The following IK variants were observed in gnomAD, a reference collection of about 807,000 sequenced individuals.
IK encodes IK cytokine, also known as protein Red.
A neutral mutation model predicts 90.9 loss-of-function variants in IK; 47 were observed. The ratio of observed to expected loss-of-function variants is 0.52; its 90% CI spans 0.41 to 0.66. The LOEUF (loss-of-function observed/expected upper bound fraction) is 0.66. Among genes scored for constraint, IK ranks in the 30% least tolerant of loss-of-function variants. The pLI, the probability that IK is intolerant of heterozygous loss-of-function variation, is 0.00. For missense variants in IK, 385 were observed against 709.3 expected (o/e 0.54, Z 5.19); for synonymous variants, 201 against 227.5 (o/e 0.88, Z 1.05).
chr5:140,654,850 CAG>C, intron 8 of IK, 123 bp downstream of exon 8: 2 of 721,880 alleles, frequency 2.8e-6, no homozygotes, highest in Non-Finnish European at 4.6e-6. Flanking sequence ...CTTTTTGAGA[CAG>C]TGTCTCACTT....
At chr5:140,660,001 T>G in intron 14 of IK, 114 bp from the exon 15 acceptor site, 1 of 996,418 alleles carries the variant, frequency 1.0e-6, no homozygotes, top group Non-Finnish European at 1.6e-6. Context: ...CCATAACAGC[T>G]CACAGCCCAC....
Position 140,661,487 on chromosome 5 carries a change from ATTAC to A in IK, c.1414-129_1414-126del. 1 of 637,042 alleles carries A rather than the reference ATTAC, an allele frequency of 1.6e-6. No individual in the cohort carries two copies. Among genetic ancestry groups the A allele is most frequent in the Non-Finnish European group, 2.8e-6 (1 of 353,166 alleles). The allele number at this position is 637,042 out of a possible 1,614,324, so 39.5% of individuals were successfully genotyped here. On this transcript the variant is annotated intron_variant, in intron 16 of 19. Transcript: ENST00000417647. This position sits in a 1 kb window ranked among gnomAD's most constrained non-coding sequence, Gnocchi z 4.2. ...AGTAAGTATGTAATAAGCATTTATT[ATTAC>A]TTATCAGGGTATGATTTATGAATTG...
chr5:140,659,692 G>A, intron 13 of IK, 64 bp from the exon 14 acceptor site: 3 of 1,034,972 alleles, frequency 2.9e-6, no homozygotes, highest in Non-Finnish European at 4.4e-6. Context: ...TTTTAAGTGT[G>A]TTGTGGGGAG....
intron 2 of IK, among the ~76,000 whole-genome samples, 158 bp from the exon 3 acceptor site, chr5:140,651,556 T>C (rs1428699652): frequency 6.6e-6 from 1 of 150,746 alleles, no homozygotes; most frequent in Non-Finnish European, 1.5e-5. Context: ...CCAATATGGG[T>C]GACAGTGAGA....
At chr5:140,654,460 G>A (rs1757671912) in intron 6 of IK, 56 bp from the exon 7 acceptor site, 1 of 1,322,478 alleles carries the variant, frequency 7.6e-7, no homozygotes. Flanking sequence ...GTGGTGTAGT[G>A]GATGTTCAAT....
intron 2 of IK, 61 bp from the exon 3 acceptor site, chr5:140,651,653 C>A: frequency 2.5e-6 from 2 of 811,802 alleles, no homozygotes; most frequent in Non-Finnish European, 4.2e-6. Context: ...ATGATTTTTA[C>A]TTGTTCCTTT....
Position 140,654,530 on chromosome 5 carries a change from T to A in IK, c.534T>A (p.Ile178=), listed in dbSNP as rs769348315. ...TTTCCTGTTAGGTACGAGCTGAGAT[T>A]GCCAGCAAAGAGAAAGAGGAAGAGG... ...FALLQKVRAE[I]ASKEKEEEEL... The change falls in exon 7 of 20, where the codon ATT becomes ATA. Residue 178 remains isoleucine, a synonymous_variant. Transcript: ENST00000417647. The A allele has an allele frequency of 2.0e-5, 31 of 1,589,086 alleles. No individual in the cohort carries two copies. Among genetic ancestry groups the A allele is most frequent in the Non-Finnish European group, 2.7e-5 (31 of 1,167,156 alleles).
chr5:140,654,687 T>A lies in IK; in HGVS notation c.597T>A (p.Asp199Glu). The A allele has an allele frequency of 1.2e-6, 2 of 1,602,002 alleles. No homozygotes were observed. Among genetic ancestry groups the A allele is most frequent in the Non-Finnish European group, 1.7e-6 (2 of 1,171,434 alleles). Residue 199 changes from aspartate to glutamate, a missense_variant, in exon 8 of 20, where the codon GAT becomes GAA. By Grantham distance (45) the Asp-to-Glu change is conservative (BLOSUM62 2). This residue lies in a region of IK where 46 missense variants were observed against 50.0 expected (regional missense o/e 0.92). Transcript: ENST00000417647. The part of the protein sequence containing the change: ...MEKPQKETKK[D>E]EDPENKIEFK... ...AACTTTTTTGTCTTTTCAGGAAAGATGAGGATCCTGAAAATAAAATTGAAT... is the reference window on the plus strand; with the variant it reads ...AACTTTTTTGTCTTTTCAGGAAAGAAGAGGATCCTGAAAATAAAATTGAAT...
At position 140,654,664 on chromosome 5, in the gene IK, CT is replaced by C. The variant is rs1371411060; in HGVS notation, c.591-11del. 1.6e-5 allele frequency: 25 copies of C among 1,595,600 alleles called. No individual in the cohort carries two copies. The highest frequency in any genetic ancestry group is 2.1e-5 in the Non-Finnish European group (25 of 1,168,392). On this transcript the variant is annotated splice_polypyrimidine_tract_variant and intron_variant, in intron 7 of 19. Coordinates refer to ENST00000417647, the MANE Select transcript of IK (RefSeq NM_006083.4). ...TAGAGCACATTTAGCAAAAATAAAACTTTTTTGTCTTTTCAGGAAAGATGAG... is the reference window on the plus strand; with the variant it reads ...TAGAGCACATTTAGCAAAAATAAAACTTTTTGTCTTTTCAGGAAAGATGAG...
intron 15 of IK, 97 bp downstream of exon 15, chr5:140,660,292 C>CT (rs200714869): frequency 0.026 from 7,184 of 280,696 alleles, 16 homozygotes; most frequent in Middle Eastern, 0.036. Context: ...AGGGCTACTT[C>CT]TTTTTTTTTT....
intron 4 of IK, 131 bp downstream of exon 4, chr5:140,652,278 A>G: frequency 1.4e-6 from 1 of 695,542 alleles, no homozygotes; most frequent in South Asian, 1.8e-5. Flanking sequence ...AAACAGAGTG[A>G]TACTTAGAGT....
In IK at chr5:140,653,007, TGA is replaced by T. The variant is rs747924967; in HGVS notation, c.281_282del (p.Glu94AlafsTer21). 129 of 1,588,186 alleles carry T rather than the reference TGA, an allele frequency of 8.1e-5. No individual in the cohort carries two copies. The highest frequency in any genetic ancestry group is 9.4e-5 in the Non-Finnish European group (109 of 1,162,326). The part of the protein sequence containing the change: ...YYAKLRQQEI[E>X]RERELAEKYR... The stretch of plus-strand genomic sequence containing the variant: ...ATGCCAAGCTACGCCAACAAGAAAT[TGA>T]GAGAGAGAGAGAGCTAGCAGAGAAG... On this transcript the variant is annotated frameshift_variant, in exon 5 of 20. Transcript: ENST00000417647. LOFTEE classifies it high-confidence loss of function.
intron 8 of IK, 150 bp from the exon 9 acceptor site, chr5:140,655,679 A>T: frequency 1.4e-6 from 1 of 695,608 alleles, no homozygotes; most frequent in Non-Finnish European, 2.4e-6. Flanking sequence ...AGTAAAAAGG[A>T]TAATAATATC....
At chr5:140,649,571 C>T (rs1407934874) in intron 2 of IK, among the ~76,000 whole-genome samples, 1 of 150,810 alleles carries the variant, frequency 6.6e-6, no homozygotes, top group African/African-American at 2.4e-5. Flanking sequence ...CTTTTCCTCC[C>T]GTTGCCCAGG....
At position 140,660,819 on chromosome 5, in the gene IK, T is replaced by C. The variant is rs1427308713; in HGVS notation, c.1413+4T>C. 3 of 1,610,900 alleles carry C rather than the reference T, an allele frequency of 1.9e-6. No homozygotes were observed. In the Admixed American group the frequency reaches 5.0e-5, roughly 27 times the overall value. ...GGATTATAGCAAAATGGACCAGGTA[T>C]GTAGTTAGAAGGATGGTGGGCGCCT... On this transcript the variant is annotated splice_donor_region_variant and intron_variant, in intron 16 of 19. Transcript: ENST00000417647.
chr5:140,649,611 C>A (rs115010080), intron 2 of IK, among the ~76,000 whole-genome samples: 1 of 152,206 alleles, frequency 6.6e-6, no homozygotes, highest in Admixed American at 6.5e-5. Flanking sequence ...TTTCTGCTCA[C>A]AGCAACCTTT....
At chr5:140,648,407 A>T (rs1402401093) in intron 1 of IK, 64 bp from the exon 2 acceptor site, 1 of 1,483,604 alleles carries the variant, frequency 6.7e-7, no homozygotes, top group African/African-American at 1.4e-5. Context: ...ACTATATCTC[A>T]AATTTTTGCA....
chr5:140,653,190 T>C, intron 5 of IK, 46 bp downstream of exon 5: 1 of 1,538,068 alleles, frequency 6.5e-7, no homozygotes, highest in Non-Finnish European at 8.9e-7. Context: ...CATCCGAGAG[T>C]CATGCAAATA....
chr5:140,650,060 C>T (rs1055034034), intron 2 of IK, among the ~76,000 whole-genome samples: 3 of 152,128 alleles, frequency 2.0e-5, no homozygotes, highest in African/African-American at 7.2e-5. Context: ...CAAAGAGTCC[C>T]ATTTTTCAGC....
Sources: gnomAD v4.1 joint callset for allele counts (sites outside exome capture counted in the v4.1 genomes callset) on GRCh38, gnomAD v4.1.1 for gene constraint, gnomAD v4.1.1 regional missense constraint, Gnocchi (gnomAD v3.1) non-coding constraint, MANE v1.5 for transcripts, NCBI Gene and HGNC (gene_info 2026-07-23, HGNC 2026-07-21) for gene names.